Variants in UNC13C observed in about 807,000 individuals in gnomAD.
UNC13C encodes the protein protein unc-13 homolog C.
A neutral mutation model predicts 245.4 loss-of-function variants in UNC13C; 174 were observed. The observed-to-expected ratio is 0.71, with a 90% CI of 0.63 to 0.80. The LOEUF (loss-of-function observed/expected upper bound fraction) is 0.80. UNC13C is among the 30% of genes least tolerant of loss of function. The probability of loss-of-function intolerance (pLI) is 0.00; values close to 1 mark genes in which losing one functional copy is unlikely to be tolerated. For synonymous variants in UNC13C, 992 were observed against 895.1 expected, an observed-to-expected ratio of 1.11 and a Z score of -1.93; for missense variants, 2,829 against 2,602.9, an observed-to-expected ratio of 1.09 and a Z score of -1.89.
chr15:54,453,521 G>C (rs1051140356), intron 19 of UNC13C, among the ~76,000 whole-genome samples: 1 of 152,114 alleles, frequency 6.6e-6, no homozygotes, highest in African/African-American at 2.4e-5. Flanking sequence ...CCTATATTTG[G>C]ATAATCAGGT....
At chr15:53,980,862 C>A (rs1367229945) in intron 1 of UNC13C, among the ~76,000 whole-genome samples, 1 of 152,134 alleles carries the variant, frequency 6.6e-6, no homozygotes, top group Non-Finnish European at 1.5e-5. Context: ...CATATAATAA[C>A]TTGCTATGGT....
At chr15:53,869,188 T>G in the UNC13C span, among the ~76,000 whole-genome samples, 1 of 152,174 alleles carries the variant, frequency 6.6e-6, no homozygotes, top group Non-Finnish European at 1.5e-5. Flanking sequence ...ATCTGGGATT[T>G]GAAGATACAA....
At chr15:54,419,044 T>C (rs1300264100) in intron 19 of UNC13C, among the ~76,000 whole-genome samples, 1 of 152,126 alleles carries the variant, frequency 6.6e-6, no homozygotes, top group Non-Finnish European at 1.5e-5. Flanking sequence ...GTATAATTAA[T>C]CTAGAATCAT....
At chr15:54,106,905 G>A (rs1459570504) in intron 2 of UNC13C, among the ~76,000 whole-genome samples, 1 of 152,230 alleles carries the variant, frequency 6.6e-6, no homozygotes, top group Non-Finnish European at 1.5e-5. Flanking sequence ...CAGCCACATG[G>A]CAGAATACTG....
intron 25 of UNC13C, among the ~76,000 whole-genome samples, chr15:54,530,824 T>C (rs1416679077): frequency 3.3e-5 from 5 of 152,012 alleles, no homozygotes; most frequent in African/African-American, 4.8e-5. Context: ...TGGCAAGAAA[T>C]GAGATCAGTG....
At chr15:54,488,242 T>C (rs966203864) in intron 19 of UNC13C, among the ~76,000 whole-genome samples, 23 of 152,170 alleles carry the variant, frequency 1.5e-4, no homozygotes, top group Admixed American at 1.4e-3. Flanking sequence ...AGAACCAACG[T>C]TTCCTGGTGA....
chr15:54,394,874 CTG>C (rs1186476065), intron 18 of UNC13C, among the ~76,000 whole-genome samples: 2 of 151,662 alleles, frequency 1.3e-5, no homozygotes, highest in African/African-American at 4.8e-5. Context: ...CTTTATGTAA[CTG>C]TAGTAAAGAA....
intron 19 of UNC13C, among the ~76,000 whole-genome samples, chr15:54,490,775 T>C (rs1893664732): frequency 6.6e-6 from 1 of 151,968 alleles, no homozygotes; most frequent in African/African-American, 2.4e-5. Flanking sequence ...ATTGGAAACA[T>C]AGTTACATAA....
intron 23 of UNC13C, among the ~76,000 whole-genome samples, chr15:54,507,450 A>G (rs1269865925): frequency 6.6e-6 from 1 of 152,156 alleles, no homozygotes; most frequent in Non-Finnish European, 1.5e-5. Flanking sequence ...AGAATAAATC[A>G]TTGAAAATAA....
At position 54,014,419 on chromosome 15, in the gene UNC13C, G is replaced by T. The variant is rs750642500; in HGVS notation, c.1516G>T (p.Asp506Tyr). 6.2e-7 allele frequency: 1 copy of T among 1,613,728 alleles called. No individual in the cohort carries two copies. The highest frequency in any genetic ancestry group is 8.5e-7 in the Non-Finnish European group (1 of 1,179,826). The change falls in exon 2 of 33, where the codon GAT (aspartate) becomes TAT (tyrosine). Residue 506 changes from aspartate to tyrosine, a missense_variant. Transcript: ENST00000260323. ...ANSSRISNKS[D>Y]YDKISSQLPE... ...TAGCAGCAGAATTTCAAATAAATCAGATTATGATAAAATCTCCTCACAGTT... is the reference window on the plus strand; with the variant it reads ...TAGCAGCAGAATTTCAAATAAATCATATTATGATAAAATCTCCTCACAGTT...
intron 7 of UNC13C, among the ~76,000 whole-genome samples, chr15:54,249,370 G>T (rs530284315): frequency 3.1e-4 from 47 of 152,228 alleles, no homozygotes; most frequent in Admixed American, 9.8e-4. Flanking sequence ...CAGAGGAGGA[G>T]GGTGAGTCTT....
At chr15:54,275,476 T>A (rs1034114909) in intron 10 of UNC13C, among the ~76,000 whole-genome samples, 1 of 152,184 alleles carries the variant, frequency 6.6e-6, no homozygotes, top group Non-Finnish European at 1.5e-5. Flanking sequence ...TTTATAATTG[T>A]ATATGATATA....
chr15:54,355,800 C>T (rs1567210887), intron 17 of UNC13C, among the ~76,000 whole-genome samples: 1 of 152,116 alleles, frequency 6.6e-6, no homozygotes, highest in Admixed American at 6.5e-5. Flanking sequence ...AGCCTCCCCT[C>T]CTGGAAATAA....
At position 54,451,438 on chromosome 15, in the gene UNC13C, A is replaced by G. The variant is rs907877965; in HGVS notation, c.4933+36371A>G. On this transcript the variant is annotated intron_variant, in intron 19 of 32. Coordinates refer to ENST00000260323, the MANE Select transcript of UNC13C (RefSeq NM_001080534.3). ...ATATTTAGTCCTTTTATGCTGTCCC[A>G]TATGTCATGTAGGCTTTGTTTCAAC... 2.6e-5 allele frequency among the ~76,000 whole-genome samples: 4 copies of G among 151,974 alleles called. No individual in the cohort carries two copies. In the East Asian group the frequency reaches 7.7e-4, roughly 29 times the overall value.
intron 4 of UNC13C, among the ~76,000 whole-genome samples, chr15:54,198,249 G>A (rs1353713374): frequency 6.6e-6 from 1 of 152,020 alleles, no homozygotes; most frequent in Non-Finnish European, 1.5e-5. Flanking sequence ...TGCCCTGGTA[G>A]CCAAAGACAA....
At chr15:54,088,281 G>A (rs1271754785) in intron 2 of UNC13C, among the ~76,000 whole-genome samples, 1 of 145,326 alleles carries the variant, frequency 6.9e-6, no homozygotes, top group Non-Finnish European at 1.5e-5. Context: ...AATTTGTCAG[G>A]ATTCAGGCCC....
At chr15:54,346,974 T>C (rs1355507) in intron 17 of UNC13C, among the ~76,000 whole-genome samples, 9,825 of 152,298 alleles carry the variant, frequency 0.065, 395 homozygotes, top group Admixed American at 0.11. Context: ...TGTTTTAGTT[T>C]ATACTCTCCC....
intron 2 of UNC13C, among the ~76,000 whole-genome samples, chr15:54,035,758 G>A (rs1382325999): frequency 2.6e-5 from 4 of 152,126 alleles, no homozygotes; most frequent in Admixed American, 1.3e-4. Flanking sequence ...GAATAGATGA[G>A]CGCACCCAAT....
chr15:54,284,652 A>T (rs553136418), intron 10 of UNC13C, among the ~76,000 whole-genome samples: 23 of 151,940 alleles, frequency 1.5e-4, no homozygotes, highest in African/African-American at 5.6e-4. Context: ...CACACTTCTA[A>T]TTTCTTGAGA....
Sources: allele counts gnomAD v4.1 joint callset (sites outside exome capture counted in the v4.1 genomes callset), GRCh38; gene constraint gnomAD v4.1.1; transcripts MANE v1.5; gene names NCBI Gene and HGNC (gene_info 2026-07-23, HGNC 2026-07-21).